HMCN1: variants seen among roughly 807,000 people sequenced by gnomAD.
HMCN1 encodes hemicentin 1.
HMCN1 carries 321 observed loss-of-function variants against 625.9 expected under a neutral mutation model. The ratio of observed to expected loss-of-function variants is 0.51; its 90% CI spans 0.47 to 0.56. HMCN1 has a LOEUF of 0.56. Among genes scored for constraint, HMCN1 ranks in the 20% least tolerant of loss-of-function variants. The pLI, the probability that HMCN1 is intolerant of heterozygous loss-of-function variation, is 0.00. For missense variants in HMCN1, 6,588 were observed against 6,887.3 expected (o/e 0.96, Z 1.54); for synonymous variants, 2,425 against 2,417.6 (o/e 1.00, Z -0.09).
rs191712509 is a variant in HMCN1 at position 186,147,844 on chromosome 1, G to A, written c.14608+1921G>A. Among the ~76,000 whole-genome samples, 160 of 152,352 alleles carry A rather than the reference G, an allele frequency of 1.1e-3. No individual in the cohort carries two copies. In the Middle Eastern group the frequency reaches 0.017, roughly 16 times the overall value. ...GAAAGTCAATCTTTTAGCTGGCAGA[G>A]GGTCTTGCCTTGATGTTGATGGCTG... On this transcript the variant is annotated intron_variant, in intron 93 of 106. Coordinates refer to ENST00000271588, the MANE Select transcript of HMCN1 (RefSeq NM_031935.3).
At chr1:185,745,407 A>G (rs758172106) in intron 1 of HMCN1, among the ~76,000 whole-genome samples, 1 of 152,306 alleles carries the variant, frequency 6.6e-6, no homozygotes, top group South Asian at 2.1e-4. Flanking sequence ...GTCATTACAT[A>G]TTTGGATCAT....
intron 1 of HMCN1, 71 bp downstream of exon 1, chr1:185,735,118 A>G: frequency 6.6e-7 from 1 of 1,505,636 alleles, no homozygotes; most frequent in Non-Finnish European, 9.2e-7. Flanking sequence ...TGTGAATGAA[A>G]TTGTTTGTCA....
intron 48 of HMCN1, among the ~76,000 whole-genome samples, chr1:186,063,034 A>ATGTGTGTG (rs376321567): frequency 3.4e-4 from 32 of 95,172 alleles, no homozygotes; most frequent in African/African-American, 1.3e-3. Context: ...ATTCCATGGA[A>ATGTGTGTG]TGTGTGTGTG....
rs753135544 is a variant in HMCN1 at position 185,923,518 on chromosome 1, A to G, written c.1150A>G (p.Lys384Glu). The change falls in exon 8 of 107, where the codon AAA becomes GAA. Residue 384 changes from lysine (K) to glutamate (E), a missense_variant. By Grantham distance (56) the Lys-to-Glu change is moderately conservative. Transcript: ENST00000271588. ...TCCTGTTAAATATTACCCACATCGA[A>G]AACCTTATGGCATATGGAATATTTC... ...TIPVKYYPHR[K>E]PYGIWNISDF... is the part of the protein sequence containing the mutation. 1 of 1,612,850 alleles carries G rather than the reference A, an allele frequency of 6.2e-7. No individual in the cohort carries two copies. The highest frequency in any genetic ancestry group is 1.7e-5 in the Admixed American group (1 of 60,012).
chr1:185,852,563 G>T (rs1662225981), intron 2 of HMCN1, among the ~76,000 whole-genome samples: 1 of 138,430 alleles, frequency 7.2e-6, no homozygotes, highest in Non-Finnish European at 1.5e-5. Flanking sequence ...ATATGCATTT[G>T]CTTACAAATA....
In HMCN1 at chr1:185,933,651, C is replaced by A. The variant is rs200601125; in HGVS notation, c.1655C>A (p.Thr552Asn). 1.2e-4 allele frequency: 196 copies of A among 1,613,872 alleles called. No individual in the cohort carries two copies. The highest frequency in any genetic ancestry group is 1.6e-4 in the Non-Finnish European group (186 of 1,179,952). Residue 552 changes from threonine to asparagine, a missense_variant, in exon 11 of 107, where the codon ACC becomes AAC. Coordinates refer to ENST00000271588, the MANE Select transcript of HMCN1 (RefSeq NM_031935.3). ...LIISAVDYNL[T>N]WQRNDRDVRL... is the part of the protein sequence containing the mutation. ...ATCAGTGCGGTGGATTACAATCTAA[C>A]CTGGCAGAGGAATGACAGAGATGTC... is the stretch of plus-strand genomic sequence containing the variant.
chr1:185,917,870 C>G (rs1666800459), intron 6 of HMCN1, among the ~76,000 whole-genome samples: 1 of 152,146 alleles, frequency 6.6e-6, no homozygotes, highest in Non-Finnish European at 1.5e-5. Flanking sequence ...GGTGCTTGTT[C>G]AATTGTCCTT....
At chr1:185,751,183 T>A (rs1479451845) in intron 1 of HMCN1, among the ~76,000 whole-genome samples, 3 of 152,184 alleles carry the variant, frequency 2.0e-5, no homozygotes, top group African/African-American at 7.2e-5. Context: ...TTCTTTACAT[T>A]CTCTAGTAGT....
At position 186,090,924 on chromosome 1, in the gene HMCN1, T is replaced by A. The variant is rs1571339138; in HGVS notation, c.9887+7T>A. 1.2e-6 allele frequency: 2 copies of A among 1,610,642 alleles called. No homozygotes were observed. The highest frequency in any genetic ancestry group is 8.5e-7 in the Non-Finnish European group (1 of 1,177,434). On this transcript the variant is annotated splice_region_variant and intron_variant, in intron 64 of 106. Coordinates refer to ENST00000271588, the MANE Select transcript of HMCN1 (RefSeq NM_031935.3). ...GTGAAACAGAAAGAATCCGGTATGT[T>A]TAAAAATAATCTTTCCATTATAAAT...
chr1:186,171,811 G>C (rs868235534), intron 101 of HMCN1, among the ~76,000 whole-genome samples, 195 bp from the exon 102 acceptor site: 5 of 151,934 alleles, frequency 3.3e-5, no homozygotes, highest in South Asian at 2.1e-4. Context: ...ACAATATTTT[G>C]TGTTTGTTTT....
chr1:185,965,657 T>C (rs1650352824), intron 13 of HMCN1, 145 bp from the exon 14 acceptor site: 7 of 694,076 alleles, frequency 1.0e-5, no homozygotes, highest in Non-Finnish European at 2.7e-6. Flanking sequence ...TATGTGCATG[T>C]GCATTACAAG....
In HMCN1 at chr1:186,153,987, G is replaced by A; in HGVS notation, c.15256G>A (p.Gly5086Arg). 6.2e-7 allele frequency: 1 copy of A among 1,607,364 alleles called. No individual in the cohort carries two copies. Among genetic ancestry groups the A allele is most frequent in the Non-Finnish European group, 8.5e-7 (1 of 1,174,088 alleles). ...TAAAATTCATGCTTCAATATCCAAA[G>A]GTAATTTGATAAAAGAAAATCCATA... ...GFKIHASISK[G>R]DRSNQCPSGF... The change falls in exon 97 of 107, where the codon GGA becomes AGA. Residue 5086 changes from glycine (G) to arginine (R), a missense_variant and splice_region_variant. Around this residue, in one of 3 missense-constraint regions of HMCN1, gnomAD observed 1,954 missense variants for 2,013.1 expected, o/e 0.97. Transcript: ENST00000271588.
At chr1:185,925,779 A>G (rs909606082) in intron 9 of HMCN1, among the ~76,000 whole-genome samples, 8 of 152,218 alleles carry the variant, frequency 5.3e-5, no homozygotes, top group Non-Finnish European at 7.3e-5. Context: ...AGGTATCCAG[A>G]GAAGGGTATT....
At chr1:186,113,001 G>C (rs377235691) in intron 72 of HMCN1, 48 bp downstream of exon 72, 1 of 1,601,656 alleles carries the variant, frequency 6.2e-7, no homozygotes, top group Non-Finnish European at 8.5e-7. Context: ...CTGACCAAGG[G>C]CATTCAAAGA....
At chr1:185,998,314 G>A (rs1162017976) in intron 25 of HMCN1, among the ~76,000 whole-genome samples, 2 of 152,052 alleles carry the variant, frequency 1.3e-5, no homozygotes, top group Non-Finnish European at 2.9e-5. Context: ...GTTGTTCCTG[G>A]GCAGCGGCAA....
intron 40 of HMCN1, among the ~76,000 whole-genome samples, chr1:186,041,797 T>G (rs1284431372): frequency 6.6e-6 from 1 of 152,184 alleles, no homozygotes; most frequent in Non-Finnish European, 1.5e-5. Flanking sequence ...TTATTTGCAT[T>G]ATATTCCTTA....
At chr1:185,972,052 G>A (rs1470077435) in intron 15 of HMCN1, among the ~76,000 whole-genome samples, 2 of 152,136 alleles carry the variant, frequency 1.3e-5, no homozygotes, top group Non-Finnish European at 2.9e-5. Context: ...ACTACATAGA[G>A]AATTCTTGTT....
intron 57 of HMCN1, 37 bp downstream of exon 57, chr1:186,082,998 G>A: frequency 8.0e-7 from 1 of 1,248,866 alleles, no homozygotes; most frequent in South Asian, 1.4e-5. Context: ...GTTAGGGTAT[G>A]CTTGGAAAAG....
chr1:186,002,338 A>G (rs1051250895), intron 28 of HMCN1, among the ~76,000 whole-genome samples: 2 of 152,132 alleles, frequency 1.3e-5, no homozygotes. Flanking sequence ...TCACTTTGTG[A>G]TAAAATGACA....
Sources: allele counts gnomAD v4.1 joint callset (sites outside exome capture counted in the v4.1 genomes callset), GRCh38; gene constraint gnomAD v4.1.1; regional missense constraint gnomAD v4.1.1; transcripts MANE v1.5; gene names NCBI Gene and HGNC (gene_info 2026-07-23, HGNC 2026-07-21).